The following ASXL3 variants were observed in gnomAD, a reference collection of about 807,000 sequenced individuals.
The protein encoded by ASXL3 is ASXL transcriptional regulator 3.
Under a neutral mutation model 170.6 loss-of-function variants are expected in ASXL3, and 34 were observed. The ratio of observed to expected loss-of-function variants is 0.20; its 90% CI spans 0.15 to 0.27. The LOEUF (loss-of-function observed/expected upper bound fraction) is 0.27. Among genes scored for constraint, ASXL3 ranks in the 10% least tolerant of loss-of-function variants. ASXL3 has a pLI of 1.00. For synonymous variants in ASXL3, 1,002 were observed against 989.1 expected, an observed-to-expected ratio of 1.01 and a Z score of -0.24; for missense variants, 2,592 against 2,695.3, an observed-to-expected ratio of 0.96 and a Z score of 0.85.
chr18:33,669,404 T>A (rs1194964374), intron 5 of ASXL3, among the ~76,000 whole-genome samples: 1 of 152,200 alleles, frequency 6.6e-6, no homozygotes, highest in East Asian at 1.9e-4. Context: ...ATATGTCTTA[T>A]GTTATCATTA....
At chr18:33,725,582 C>A (rs995891313) in intron 8 of ASXL3, among the ~76,000 whole-genome samples, 1 of 152,130 alleles carries the variant, frequency 6.6e-6, no homozygotes, top group Non-Finnish European at 1.5e-5. Context: ...TCCAACTACA[C>A]TTTATTTGCT....
intron 8 of ASXL3, among the ~76,000 whole-genome samples, chr18:33,717,633 A>G (rs1293864318): frequency 6.6e-6 from 1 of 152,034 alleles, no homozygotes; most frequent in South Asian, 2.1e-4. Context: ...TTCCACTGTG[A>G]CTTGTTGGGT....
chr18:33,678,761 A>G (rs1160850448), intron 7 of ASXL3, among the ~76,000 whole-genome samples: 1 of 152,176 alleles, frequency 6.6e-6, no homozygotes, highest in African/African-American at 2.4e-5. Context: ...ATGAGATAAG[A>G]CAATCATATA....
At chr18:33,614,140 C>G (rs2065381859) in intron 2 of ASXL3, 1 of 152,096 alleles carries the variant, frequency 6.6e-6, no homozygotes, top group Admixed American at 6.6e-5. Context: ...GCATGCAATG[C>G]TATTTGATAA....
rs1555717840 is a variant in ASXL3 at position 33,601,785 on chromosome 18, G to GTATA, written c.55-5802_55-5799dup. 7.7e-5 allele frequency among the ~76,000 whole-genome samples: 8 copies of GTATA among 103,894 alleles called. 2 individuals carry two copies. The highest frequency in any genetic ancestry group is 1.8e-4 in the Non-Finnish European group (8 of 44,826). The allele number at this position is 103,894 out of a possible 152,430, so 68.2% of individuals were successfully genotyped here. ...TGAGAATTTAAGTAAATATCTGATTGTATATATATAGTTTGTTTGTTTTGA... is the reference window on the plus strand; with the variant it reads ...TGAGAATTTAAGTAAATATCTGATTGTATATATATATATAGTTTGTTTGTTTTGA... On this transcript the variant is annotated intron_variant, in intron 1 of 11. Transcript: ENST00000269197.
intron 3 of ASXL3, among the ~76,000 whole-genome samples, chr18:33,646,036 ATTTATCC>A (rs2065908616): frequency 6.6e-6 from 1 of 150,962 alleles, no homozygotes; most frequent in Non-Finnish European, 1.5e-5. Context: ...GATTTTAAAA[ATTTATCC>A]AAAAAAAAAA....
chr18:33,599,471 T>C (rs2065161919), intron 1 of ASXL3, among the ~76,000 whole-genome samples: 2 of 152,162 alleles, frequency 1.3e-5, no homozygotes, highest in African/African-American at 4.8e-5. Context: ...TTTCCATTGC[T>C]TTGTTTAGCT....
intron 1 of ASXL3, among the ~76,000 whole-genome samples, chr18:33,606,600 A>G (rs2065251533): frequency 6.6e-6 from 1 of 152,000 alleles, no homozygotes; most frequent in African/African-American, 2.4e-5. Flanking sequence ...AATTCTTAAT[A>G]ATTATGATTC....
chr18:33,635,368 G>A (rs992380509), intron 2 of ASXL3, among the ~76,000 whole-genome samples: 1 of 152,110 alleles, frequency 6.6e-6, no homozygotes. Context: ...CAGGCAATAC[G>A]GGAGTTCCCA....
intron 8 of ASXL3, among the ~76,000 whole-genome samples, chr18:33,702,685 TTA>T (rs1222145034): frequency 6.6e-6 from 1 of 152,136 alleles, no homozygotes; most frequent in Non-Finnish European, 1.5e-5. Context: ...GATAATTAAT[TTA>T]TGTTAGGTTT....
At chr18:33,593,022 C>T (rs1271956659) in intron 1 of ASXL3, among the ~76,000 whole-genome samples, 2 of 151,928 alleles carry the variant, frequency 1.3e-5, no homozygotes, top group Non-Finnish European at 2.9e-5. Context: ...GTTTTTTAAC[C>T]AGAGAGAGTA....
Position 33,750,547 on chromosome 18 carries a change from T to TA in ASXL3, c.*3954dup, listed in dbSNP as rs1451353046. On this transcript the variant is annotated 3_prime_UTR_variant, in exon 12 of 12. Coordinates refer to ENST00000269197, the MANE Select transcript of ASXL3 (RefSeq NM_030632.3). ...CATATTTTCAGTAGTTTTTTTTTTT[T>TA]AATGTGTGTTCGTTTGTACAATTTT... 1 of 143,200 alleles carries TA rather than the reference T, an allele frequency of 7.0e-6. No individual in the cohort carries two copies. Among genetic ancestry groups the TA allele is most frequent in the African/African-American group, 2.6e-5 (1 of 37,846 alleles). 8.9% of individuals were successfully genotyped at this position (143,200 alleles called of 1,614,324 possible).
At chr18:33,585,501 C>T (rs2065027391) in intron 1 of ASXL3, among the ~76,000 whole-genome samples, 2 of 152,158 alleles carry the variant, frequency 1.3e-5, no homozygotes, top group African/African-American at 4.8e-5. Flanking sequence ...TCAGTATTCC[C>T]ACTTGAAGTA....
chr18:33,642,180 T>A (rs2065855385), intron 2 of ASXL3, among the ~76,000 whole-genome samples: 1 of 151,990 alleles, frequency 6.6e-6, no homozygotes, highest in Non-Finnish European at 1.5e-5. Context: ...ATAAGACTTA[T>A]ATTTATTTCT....
At chr18:33,668,822 T>TGAATTTATGATTCCAGCTTC in intron 5 of ASXL3, among the ~76,000 whole-genome samples, 1 of 152,266 alleles carries the variant, frequency 6.6e-6, no homozygotes, top group South Asian at 2.1e-4. Flanking sequence ...ATGCCAGCTT[T>TGAATTTATGATTCCAGCTTC]GACTTTATGA....
intron 5 of ASXL3, among the ~76,000 whole-genome samples, 154 bp downstream of exon 5, chr18:33,661,891 C>T (rs930513268): frequency 3.5e-5 from 4 of 113,844 alleles, no homozygotes; most frequent in African/African-American, 1.3e-4. Flanking sequence ...TAATTTTAAT[C>T]TGTGATAAAA....
chr18:33,659,294 CA>C (rs1466266168), intron 4 of ASXL3, among the ~76,000 whole-genome samples: 3 of 152,052 alleles, frequency 2.0e-5, no homozygotes, highest in Admixed American at 2.0e-4. Context: ...ATTGGAAGTA[CA>C]TTTAGACGCC....
chr18:33,703,645 A>T (rs572558813), intron 8 of ASXL3, among the ~76,000 whole-genome samples: 1 of 152,130 alleles, frequency 6.6e-6, no homozygotes, highest in African/African-American at 2.4e-5. Flanking sequence ...TTGAGGGAGG[A>T]TAAATCACTC....
In ASXL3 at chr18:33,619,446, G is replaced by GA. The variant is rs56663499; in HGVS notation, c.137+11785dup. Among the ~76,000 whole-genome samples, 834 of 139,690 alleles carry GA rather than the reference G, an allele frequency of 6.0e-3. 5 individuals are homozygous for GA. The highest frequency in any genetic ancestry group is 0.011 in the African/African-American group (427 of 39,314). The allele number at this position is 139,690 out of a possible 152,430, so 91.6% of individuals were successfully genotyped here. ...CTAGTTGTAAATAGTTTTGAAGACTGAAAAAAAAAAAAAAACATTTCCACA... is the reference window on the plus strand; with the variant it reads ...CTAGTTGTAAATAGTTTTGAAGACTGAAAAAAAAAAAAAAAACATTTCCACA... On this transcript the variant is annotated intron_variant, in intron 2 of 11. Coordinates refer to ENST00000269197, the MANE Select transcript of ASXL3 (RefSeq NM_030632.3).
Sources: gnomAD v4.1 joint callset for allele counts (sites outside exome capture counted in the v4.1 genomes callset) on GRCh38, gnomAD v4.1.1 for gene constraint, MANE v1.5 for transcripts, NCBI Gene and HGNC (gene_info 2026-07-23, HGNC 2026-07-21) for gene names.